The following MRPS28 variants were observed in gnomAD, a reference collection of about 807,000 sequenced individuals.
MRPS28 encodes the protein mitochondrial ribosomal protein S28.
MRPS28 carries 7 observed loss-of-function variants against 10.8 expected under a neutral mutation model. The observed-to-expected ratio is 0.65, with a 90% CI of 0.37 to 1.22. The LOEUF is 1.22. Among genes scored for constraint, MRPS28 ranks in the 50% most tolerant of loss-of-function variants. The probability of loss-of-function intolerance (pLI) is 0.02; values close to 1 mark genes in which losing one functional copy is unlikely to be tolerated. For missense variants in MRPS28, 265 were observed against 232.9 expected, an observed-to-expected ratio of 1.14 and a Z score of -0.90; for synonymous variants, 121 against 93.3, an observed-to-expected ratio of 1.30 and a Z score of -1.71.
At chr8:80,017,215 C>T (rs1809218991) in intron 1 of MRPS28, among the ~76,000 whole-genome samples, 1 of 152,094 alleles carries the variant, frequency 6.6e-6, no homozygotes, top group Non-Finnish European at 1.5e-5. Context: ...TCAAACAAAT[C>T]TCAAGAGAAA....
intron 2 of MRPS28, among the ~76,000 whole-genome samples, chr8:79,981,283 T>G (rs963452084): frequency 1.3e-5 from 2 of 152,130 alleles, no homozygotes; most frequent in African/African-American, 4.8e-5. Flanking sequence ...TGAGCTGTGA[T>G]CACTGCACTC....
At chr8:79,921,291 A>G (rs997908526) in intron 2 of MRPS28, among the ~76,000 whole-genome samples, 1 of 152,044 alleles carries the variant, frequency 6.6e-6, no homozygotes, top group African/African-American at 2.4e-5. Flanking sequence ...TTGGTTCCAT[A>G]TGAACTTTAA....
At chr8:79,976,988 A>G (rs1168005094) in intron 2 of MRPS28, among the ~76,000 whole-genome samples, 1 of 152,132 alleles carries the variant, frequency 6.6e-6, no homozygotes, top group African/African-American at 2.4e-5. Flanking sequence ...TGTCATTTGT[A>G]AGAGTGAAAA....
At chr8:79,979,727 C>T (rs1807900655) in intron 2 of MRPS28, among the ~76,000 whole-genome samples, 2 of 151,604 alleles carry the variant, frequency 1.3e-5, no homozygotes, top group Admixed American at 1.3e-4. Context: ...AAACTACCTG[C>T]CCTCCCCAAT....
intron 2 of MRPS28, among the ~76,000 whole-genome samples, chr8:79,998,637 C>G (rs1282951399): frequency 6.6e-6 from 1 of 152,146 alleles, no homozygotes; most frequent in Non-Finnish European, 1.5e-5. Context: ...ATACATAAAA[C>G]AGATAAATGC....
At chr8:79,999,323 C>G (rs1281271423) in intron 2 of MRPS28, among the ~76,000 whole-genome samples, 1 of 152,204 alleles carries the variant, frequency 6.6e-6, no homozygotes, top group Non-Finnish European at 1.5e-5. Context: ...CTCATTACTT[C>G]CTTGTTCAGT....
chr8:79,984,735 T>C (rs1808100247), intron 2 of MRPS28, among the ~76,000 whole-genome samples: 1 of 152,146 alleles, frequency 6.6e-6, no homozygotes. Context: ...CTATCCTAAA[T>C]ATATGTGCAC....
chr8:79,999,177 T>G (rs1337820927), intron 2 of MRPS28, among the ~76,000 whole-genome samples: 1 of 152,216 alleles, frequency 6.6e-6, no homozygotes, highest in East Asian at 1.9e-4. Context: ...TTCAGCCTCC[T>G]AGAAGCTGCT....
At chr8:79,944,274 G>C (rs151055429) in intron 2 of MRPS28, among the ~76,000 whole-genome samples, 20 of 152,290 alleles carry the variant, frequency 1.3e-4, no homozygotes, top group African/African-American at 4.3e-4. Context: ...ATCCCACTGT[G>C]ATATGTGGAA....
At chr8:80,020,274 T>TA (rs540342334) in intron 1 of MRPS28, among the ~76,000 whole-genome samples, 2 of 152,106 alleles carry the variant, frequency 1.3e-5, no homozygotes, top group Non-Finnish European at 2.9e-5. Context: ...TTACTAGACT[T>TA]AAAGAGTCAT....
chr8:79,962,106 T>C (rs1301605708), intron 2 of MRPS28, among the ~76,000 whole-genome samples: 5 of 152,038 alleles, frequency 3.3e-5, no homozygotes, highest in Non-Finnish European at 7.4e-5. Context: ...ATTCAATCAC[T>C]GTGCCATCTT....
At chr8:79,985,829 C>A (rs988960176) in intron 2 of MRPS28, among the ~76,000 whole-genome samples, 1 of 151,962 alleles carries the variant, frequency 6.6e-6, no homozygotes, top group Non-Finnish European at 1.5e-5. Context: ...GGATTCACAG[C>A]CGAATTCTAC....
intron 2 of MRPS28, among the ~76,000 whole-genome samples, chr8:79,933,588 G>C (rs1013040950): frequency 2.0e-5 from 3 of 152,158 alleles, no homozygotes; most frequent in Non-Finnish European, 2.9e-5. Flanking sequence ...ATGTGCCAAG[G>C]AGATGCTCAG....
intron 2 of MRPS28, among the ~76,000 whole-genome samples, chr8:79,932,039 G>A (rs1189996639): frequency 1.3e-5 from 2 of 152,196 alleles, no homozygotes; most frequent in Non-Finnish European, 2.9e-5. Context: ...AGGAGTACTT[G>A]CCCTGGCCCT....
intron 2 of MRPS28, among the ~76,000 whole-genome samples, chr8:79,974,584 A>C (rs972991264): frequency 6.6e-5 from 10 of 152,078 alleles, no homozygotes; most frequent in Non-Finnish European, 1.3e-4. Context: ...CAAAAAAAAA[A>C]CAAATGAAAT....
chr8:79,935,365 CTTTTT>C (rs942516049), intron 2 of MRPS28, among the ~76,000 whole-genome samples: 6 of 151,910 alleles, frequency 3.9e-5, no homozygotes, highest in Non-Finnish European at 8.8e-5. Context: ...TCTTCTTCTT[CTTTTT>C]TATTTCCTAG....
At chr8:79,919,546 C>G (rs1810015698) in intron 2 of MRPS28, among the ~76,000 whole-genome samples, 1 of 152,124 alleles carries the variant, frequency 6.6e-6, no homozygotes, top group Non-Finnish European at 1.5e-5. Context: ...CCAGGCCAGG[C>G]TGGTCTCAAA....
chr8:80,007,162 G>C (rs1272015465), intron 1 of MRPS28, among the ~76,000 whole-genome samples: 1 of 152,020 alleles, frequency 6.6e-6, no homozygotes, highest in East Asian at 1.9e-4. Flanking sequence ...CAGAACCAAA[G>C]ACAAAAACCA....
intron 1 of MRPS28, among the ~76,000 whole-genome samples, chr8:80,006,197 A>G (rs1044245641): frequency 6.6e-6 from 1 of 152,236 alleles, no homozygotes; most frequent in Non-Finnish European, 1.5e-5. Context: ...TCTCAGCACC[A>G]CATCACACTT....
Sources: allele counts gnomAD v4.1 joint callset (sites outside exome capture counted in the v4.1 genomes callset), GRCh38; gene constraint gnomAD v4.1.1; transcripts MANE v1.5; gene names NCBI Gene and HGNC (gene_info 2026-07-23, HGNC 2026-07-21).